The following ACMSD variants were observed in gnomAD, a reference collection of about 807,000 sequenced individuals.
ACMSD encodes the protein 2-amino-3-carboxymuconate-6-semialdehyde decarboxylase.
Under a neutral mutation model 45.9 loss-of-function variants are expected in ACMSD, and 37 were observed. The ratio of observed to expected loss-of-function variants is 0.81; its 90% CI spans 0.62 to 1.06. ACMSD has a LOEUF of 1.06. Among genes scored for constraint, ACMSD ranks in the 50% least tolerant of loss-of-function variants. The pLI, the probability that ACMSD is intolerant of heterozygous loss-of-function variation, is 0.00. For synonymous variants in ACMSD, 138 were observed against 148.8 expected (o/e 0.93, Z 0.53); for missense variants, 434 against 420.9 (o/e 1.03, Z -0.27).
chr2:134,891,493 T>C (rs11891384), intron 8 of ACMSD, among the ~76,000 whole-genome samples: 31,650 of 152,014 alleles, frequency 0.21, 3,811 homozygotes, highest in Middle Eastern at 0.58. Context: ...AAATGTTTAA[T>C]ATCACTGATC....
At chr2:134,889,230 G>A (rs1049575702) in intron 8 of ACMSD, among the ~76,000 whole-genome samples, 1 of 152,070 alleles carries the variant, frequency 6.6e-6, no homozygotes, top group Non-Finnish European at 1.5e-5. Context: ...GGATATATTG[G>A]TATAATACAT....
chr2:134,872,949 A>C, intron 8 of ACMSD: 1 of 290,834 alleles, frequency 3.4e-6, no homozygotes, highest in Non-Finnish European at 6.7e-6. Flanking sequence ...TGCACCCAAA[A>C]TGACACATGG....
intron 1 of ACMSD, among the ~76,000 whole-genome samples, chr2:134,843,291 C>T (rs1686890464): frequency 6.6e-6 from 1 of 152,080 alleles, no homozygotes; most frequent in African/African-American, 2.4e-5. Flanking sequence ...CCTTGCCTGC[C>T]CAGCCTGCAA....
At chr2:134,844,427 T>C (rs1686956975) in intron 1 of ACMSD, 1 of 152,180 alleles carries the variant, frequency 6.6e-6, no homozygotes, top group East Asian at 1.9e-4. Flanking sequence ...GAAACACCAG[T>C]AGAGTGAGGA....
intron 1 of ACMSD, chr2:134,844,537 G>T (rs1246317557): frequency 6.6e-6 from 1 of 152,438 alleles, no homozygotes; most frequent in Non-Finnish European, 1.5e-5. Flanking sequence ...GTGGGGTACG[G>T]TGTGTTCAGT....
chr2:134,888,053 A>C (rs1281192550), intron 8 of ACMSD, among the ~76,000 whole-genome samples: 2 of 152,254 alleles, frequency 1.3e-5, no homozygotes, highest in African/African-American at 4.8e-5. Flanking sequence ...ACTTTAGCTC[A>C]TCCTAAGACA....
chr2:134,886,248 T>TATTA (rs201281072), intron 8 of ACMSD, among the ~76,000 whole-genome samples: 19 of 118,734 alleles, frequency 1.6e-4, no homozygotes, highest in African/African-American at 6.6e-4. Flanking sequence ...TTATTATTAT[T>TATTA]TTTTTTTTTT....
intron 8 of ACMSD, among the ~76,000 whole-genome samples, chr2:134,876,783 G>A (rs898993331): frequency 6.6e-6 from 1 of 151,998 alleles, no homozygotes; most frequent in African/African-American, 2.4e-5. Context: ...CATTATCTGT[G>A]CTATACTTTT....
intron 2 of ACMSD, among the ~76,000 whole-genome samples, chr2:134,851,208 T>C (rs1687326647): frequency 6.6e-6 from 1 of 152,228 alleles, no homozygotes; most frequent in South Asian, 2.1e-4. Flanking sequence ...ATCCAGTTCA[T>C]CGTTATGGGC....
chr2:134,840,933 TC>T (rs1314130559), intron 1 of ACMSD, among the ~76,000 whole-genome samples: 1 of 152,096 alleles, frequency 6.6e-6, no homozygotes, highest in Non-Finnish European at 1.5e-5. Context: ...TTTCCCCGAG[TC>T]CCCAAAGTCC....
chr2:134,887,102 G>T (rs1201357743), intron 8 of ACMSD, among the ~76,000 whole-genome samples: 1 of 151,986 alleles, frequency 6.6e-6, no homozygotes, highest in Non-Finnish European at 1.5e-5. Context: ...TAAATAAATG[G>T]AAAGTTCTAT....
intron 2 of ACMSD, among the ~76,000 whole-genome samples, chr2:134,850,492 T>C (rs1001288988): frequency 2.0e-5 from 3 of 152,224 alleles, no homozygotes; most frequent in East Asian, 3.9e-4. Flanking sequence ...GGTCTCTAAC[T>C]CCTGACCTCA....
intron 8 of ACMSD, among the ~76,000 whole-genome samples, chr2:134,898,131 T>G (rs1690278731): frequency 6.6e-6 from 1 of 151,658 alleles, no homozygotes; most frequent in Admixed American, 6.6e-5. Context: ...CAAAGAGACC[T>G]AATAGTGACA....
chr2:134,869,134 T>A (rs1406524314), intron 6 of ACMSD: 1 of 152,186 alleles, frequency 6.6e-6, no homozygotes, highest in African/African-American at 2.4e-5. Flanking sequence ...TAACCCAAGA[T>A]GCCCAGTGCC....
At chr2:134,861,853 G>C in intron 3 of ACMSD, 116 bp from the exon 4 acceptor site, 1 of 1,062,924 alleles carries the variant, frequency 9.4e-7, no homozygotes, top group Non-Finnish European at 1.5e-6. Context: ...GGGACGCAGG[G>C]AGGGAGAGCA....
At chr2:134,848,651 G>T (rs1687192024) in intron 2 of ACMSD, among the ~76,000 whole-genome samples, 1 of 152,000 alleles carries the variant, frequency 6.6e-6, no homozygotes, top group Non-Finnish European at 1.5e-5. Context: ...ATTTGTTTAA[G>T]TTCCTTATAG....
At chr2:134,885,396 A>C (rs1261793020) in intron 8 of ACMSD, among the ~76,000 whole-genome samples, 1 of 105,394 alleles carries the variant, frequency 9.5e-6, no homozygotes, top group Non-Finnish European at 1.8e-5. Flanking sequence ...GTAAATATAT[A>C]TATTTATATA....
chr2:134,880,776 T>C (rs528830489), intron 8 of ACMSD, among the ~76,000 whole-genome samples: 19 of 152,340 alleles, frequency 1.2e-4, no homozygotes, highest in African/African-American at 4.6e-4. Flanking sequence ...GTCTATACTT[T>C]TTGAGCATGT....
At chr2:134,885,293 A>ATATAT (rs1184587358) in intron 8 of ACMSD, among the ~76,000 whole-genome samples, 1 of 33,514 alleles carries the variant, frequency 3.0e-5, no homozygotes, top group Non-Finnish European at 4.5e-5. Flanking sequence ...TATTATATTT[A>ATATAT]TATATATATT....
Sources: allele counts gnomAD v4.1 joint callset (sites outside exome capture counted in the v4.1 genomes callset), GRCh38; gene constraint gnomAD v4.1.1; transcripts MANE v1.5; gene names NCBI Gene and HGNC (gene_info 2026-07-23, HGNC 2026-07-21).